Variants in RARB observed in about 807,000 individuals in gnomAD.
RARB encodes retinoic acid receptor beta.
Under a neutral mutation model 51.9 loss-of-function variants are expected in RARB, and 17 were observed. The ratio of observed to expected loss-of-function variants is 0.33; its 90% CI spans 0.22 to 0.49. RARB has a LOEUF of 0.49. Ranked by LOEUF, RARB falls within the 20% of genes least tolerant of loss-of-function variation. The pLI is 0.99. For synonymous variants in RARB, 215 were observed against 195.4 expected, an observed-to-expected ratio of 1.10 and a Z score of -0.84; for missense variants, 369 against 550.8, an observed-to-expected ratio of 0.67 and a Z score of 3.30.
intron 5 of RARB, among the ~76,000 whole-genome samples, chr3:25,374,384 T>G (rs1706394634): frequency 6.6e-6 from 1 of 151,930 alleles, no homozygotes; most frequent in African/African-American, 2.4e-5. Flanking sequence ...AATCTAAAGA[T>G]ATAGGTAGGG....
intron 4 of RARB, among the ~76,000 whole-genome samples, chr3:25,155,132 A>C (rs1338061903): frequency 1.3e-5 from 2 of 152,158 alleles, no homozygotes; most frequent in Non-Finnish European, 2.9e-5. Flanking sequence ...TCCATCTAAA[A>C]TGAAATATTG....
chr3:25,391,345 G>T (rs543141265), intron 5 of RARB, among the ~76,000 whole-genome samples: 1 of 152,160 alleles, frequency 6.6e-6, no homozygotes, highest in East Asian at 1.9e-4. Flanking sequence ...GAATTGTGTT[G>T]CTGTAAACAT....
chr3:25,044,515 T>A (rs531867506), intron 2 of RARB, among the ~76,000 whole-genome samples: 78 of 152,296 alleles, frequency 5.1e-4, no homozygotes, highest in South Asian at 1.7e-3. Context: ...TTCTCACTTA[T>A]CAGACCTTGT....
chr3:25,321,104 T>C (rs1704557319), intron 5 of RARB, among the ~76,000 whole-genome samples: 1 of 152,180 alleles, frequency 6.6e-6, no homozygotes. Context: ...CAAGCAGATC[T>C]TTTTCAGTAC....
intron 5 of RARB, among the ~76,000 whole-genome samples, chr3:25,241,397 G>T (rs1184819271): frequency 1.3e-5 from 2 of 152,110 alleles, no homozygotes; most frequent in Admixed American, 6.5e-5. Context: ...ATGGAACCAT[G>T]TTGGTTTGCT....
chr3:25,130,308 C>G (rs1371587370), intron 3 of RARB, among the ~76,000 whole-genome samples: 6 of 151,992 alleles, frequency 3.9e-5, no homozygotes, highest in Non-Finnish European at 8.8e-5. Flanking sequence ...TAGGGCTCAG[C>G]TAAAATGTCA....
intron 5 of RARB, among the ~76,000 whole-genome samples, chr3:25,273,350 G>A (rs1220920648): frequency 6.6e-6 from 1 of 152,218 alleles, no homozygotes; most frequent in African/African-American, 2.4e-5. Flanking sequence ...CTTCAGAAAT[G>A]TTTACAAGTA....
At chr3:24,990,867 A>G (rs1696894819) in intron 2 of RARB, among the ~76,000 whole-genome samples, 1 of 152,256 alleles carries the variant, frequency 6.6e-6, no homozygotes, top group Non-Finnish European at 1.5e-5. Context: ...TTAATTTAAG[A>G]TAAAATTGAC....
intron 3 of RARB, among the ~76,000 whole-genome samples, chr3:25,505,367 C>T (rs1440082889): frequency 6.6e-6 from 1 of 152,116 alleles, no homozygotes; most frequent in Non-Finnish European, 1.5e-5. Flanking sequence ...TATTTTATTG[C>T]CAGTGGTTAA....
At chr3:25,234,309 G>T (rs766480915) in intron 5 of RARB, among the ~76,000 whole-genome samples, 1 of 152,098 alleles carries the variant, frequency 6.6e-6, no homozygotes, top group Non-Finnish European at 1.5e-5. Context: ...TAAAGGAATT[G>T]GTCCATTTCA....
intron 2 of RARB, among the ~76,000 whole-genome samples, chr3:24,905,010 T>C (rs1470955032): frequency 6.6e-6 from 1 of 152,010 alleles, no homozygotes; most frequent in Non-Finnish European, 1.5e-5. Context: ...AGGGGAGGGA[T>C]AGTATTAGGA....
chr3:24,862,164 A>ACTG (rs780102418), intron 2 of RARB, among the ~76,000 whole-genome samples: 1 of 152,162 alleles, frequency 6.6e-6, no homozygotes, highest in Non-Finnish European at 1.5e-5. Flanking sequence ...GAAGGAAAGA[A>ACTG]CTGCTGCTGC....
At chr3:25,234,115 A>G (rs1426378270) in intron 5 of RARB, among the ~76,000 whole-genome samples, 3 of 152,128 alleles carry the variant, frequency 2.0e-5, no homozygotes, top group Non-Finnish European at 4.4e-5. Context: ...AATTTTCTGA[A>G]TGAGATTATG....
At chr3:25,408,089 T>G (rs1707461632) in intron 5 of RARB, among the ~76,000 whole-genome samples, 1 of 152,146 alleles carries the variant, frequency 6.6e-6, no homozygotes, top group Non-Finnish European at 1.5e-5. Flanking sequence ...AAACCTTGTC[T>G]CAATGTCTGT....
chr3:25,389,236 A>G (rs1706879870), intron 5 of RARB, among the ~76,000 whole-genome samples: 1 of 152,118 alleles, frequency 6.6e-6, no homozygotes, highest in Non-Finnish European at 1.5e-5. Flanking sequence ...CCACAACCTT[A>G]CCTTCCTTTT....
chr3:25,499,188 G>A (rs938955973), intron 2 of RARB, among the ~76,000 whole-genome samples: 1 of 152,172 alleles, frequency 6.6e-6, no homozygotes, highest in Non-Finnish European at 1.5e-5. Flanking sequence ...TTGCTAATGT[G>A]CTTTAGCTTT....
At chr3:25,264,273 T>G (rs947996677) in intron 5 of RARB, among the ~76,000 whole-genome samples, 3 of 152,296 alleles carry the variant, frequency 2.0e-5, no homozygotes, top group Admixed American at 2.0e-4. Context: ...GTTAAATGGA[T>G]ACCGTCATCC....
intron 2 of RARB, among the ~76,000 whole-genome samples, chr3:24,895,360 A>G (rs369104360): frequency 2.2e-4 from 33 of 152,316 alleles, no homozygotes; most frequent in African/African-American, 7.2e-4. Context: ...TTTGTTGTAC[A>G]TCAGAATCAC....
chr3:25,404,163 A>C (rs1431982445), intron 5 of RARB, among the ~76,000 whole-genome samples: 1 of 152,166 alleles, frequency 6.6e-6, no homozygotes, highest in East Asian at 1.9e-4. Flanking sequence ...GTAGATTCTC[A>C]GGTTGCTTTA....
Sources: allele counts gnomAD v4.1 joint callset (sites outside exome capture counted in the v4.1 genomes callset), GRCh38; gene constraint gnomAD v4.1.1; transcripts MANE v1.5; gene names NCBI Gene and HGNC (gene_info 2026-07-23, HGNC 2026-07-21).